The following CERK variants were observed in gnomAD, a reference collection of about 807,000 sequenced individuals.
CERK encodes ceramide kinase, also known as acylsphingosine kinase.
CERK carries 39 observed loss-of-function variants against 63.4 expected under a neutral mutation model. The ratio of observed to expected loss-of-function variants is 0.61; its 90% CI spans 0.48 to 0.80. The LOEUF is 0.80. Among genes scored for constraint, CERK ranks in the 30% least tolerant of loss-of-function variants. The pLI, the probability that CERK is intolerant of heterozygous loss-of-function variation, is 0.00. For missense variants in CERK, 670 were observed against 714.1 expected, an observed-to-expected ratio of 0.94 and a Z score of 0.70; for synonymous variants, 302 against 280.0, an observed-to-expected ratio of 1.08 and a Z score of -0.78.
chr22:46,698,469 C>T (rs1206472826), intron 8 of CERK, among the ~76,000 whole-genome samples: 1 of 152,238 alleles, frequency 6.6e-6, no homozygotes, highest in Non-Finnish European at 1.5e-5. Context: ...ACCACGCAAC[C>T]TTGTTGAATG....
intron 6 of CERK, among the ~76,000 whole-genome samples, chr22:46,702,733 T>C (rs996901334): frequency 6.6e-6 from 1 of 152,262 alleles, no homozygotes. Context: ...CTGCGGCTTA[T>C]GCATCTTTTT....
intron 11 of CERK, among the ~76,000 whole-genome samples, chr22:46,690,688 C>T (rs1292187379): frequency 6.6e-6 from 1 of 151,986 alleles, no homozygotes; most frequent in Admixed American, 6.5e-5. Context: ...AGACTGTGAC[C>T]AAAAGTTCCG....
At position 46,738,244 on chromosome 22, in the gene CERK, G is replaced by T; in HGVS notation, c.-96C>A. ...CCTGCAGTGGCCCGGGCGGCGGGCGGCGGGCGGCGGGAGGCGGCGCTGCGT... is the reference window on the plus strand; with the variant it reads ...CCTGCAGTGGCCCGGGCGGCGGGCGTCGGGCGGCGGGAGGCGGCGCTGCGT... On this transcript the variant is annotated 5_prime_UTR_variant, in exon 1 of 13. Coordinates refer to ENST00000216264, the MANE Select transcript of CERK (RefSeq NM_022766.6). 1.4e-6 allele frequency: 1 copy of T among 702,942 alleles called. No individual in the cohort carries two copies. The highest frequency in any genetic ancestry group is 1.7e-6 in the Non-Finnish European group (1 of 576,258). 43.5% of individuals were successfully genotyped at this position (702,942 alleles called of 1,614,324 possible).
At chr22:46,709,196 G>A (rs1241347524) in intron 5 of CERK, among the ~76,000 whole-genome samples, 8 of 152,220 alleles carry the variant, frequency 5.3e-5, no homozygotes, top group Non-Finnish European at 7.3e-5. Context: ...CAGCTCAGCC[G>A]CAGGAAGAGC....
intron 1 of CERK, among the ~76,000 whole-genome samples, chr22:46,728,076 T>C (rs1047773771): frequency 6.6e-6 from 1 of 151,952 alleles, no homozygotes; most frequent in Non-Finnish European, 1.5e-5. Flanking sequence ...TGTGTGTGGG[T>C]TCAGGAAATG....
At chr22:46,689,681 A>G (rs2082720277) in intron 12 of CERK, among the ~76,000 whole-genome samples, 1 of 152,152 alleles carries the variant, frequency 6.6e-6, no homozygotes, top group South Asian at 2.1e-4. Context: ...CAGGGCAAAG[A>G]GCCCAATGCC....
At chr22:46,699,210 G>T in intron 8 of CERK, 103 bp downstream of exon 8, 1 of 1,227,450 alleles carries the variant, frequency 8.1e-7, no homozygotes, top group Non-Finnish European at 1.2e-6. Flanking sequence ...TGAGCAGGTG[G>T]GGGCCCACCT....
At chr22:46,724,427 G>A (rs1399746494) in intron 1 of CERK, among the ~76,000 whole-genome samples, 2 of 152,198 alleles carry the variant, frequency 1.3e-5, no homozygotes, top group Non-Finnish European at 2.9e-5. Flanking sequence ...TTGTTTGAGG[G>A]TCAATCTGCA....
intron 7 of CERK, among the ~76,000 whole-genome samples, chr22:46,701,284 C>A (rs938540129): frequency 6.6e-6 from 1 of 152,248 alleles, no homozygotes; most frequent in Non-Finnish European, 1.5e-5. Context: ...CTGCCACAGG[C>A]AGTATGGCGG....
intron 6 of CERK, among the ~76,000 whole-genome samples, chr22:46,706,683 G>T (rs1393619746): frequency 6.6e-6 from 1 of 152,046 alleles, no homozygotes; most frequent in Non-Finnish European, 1.5e-5. Flanking sequence ...GTAACCAGAC[G>T]ATCATCCTTT....
In CERK at chr22:46,685,026, T is replaced by A. The variant is rs181571217; in HGVS notation, c.*2108A>T. ...TTGGCCTGGACTGTTTTGCTAAAATTGTTAGTGGGTTTTGGGGCAGGCCAG... is the reference window on the plus strand; with the variant it reads ...TTGGCCTGGACTGTTTTGCTAAAATAGTTAGTGGGTTTTGGGGCAGGCCAG... On this transcript the variant is annotated 3_prime_UTR_variant, in exon 13 of 13. Coordinates refer to ENST00000216264, the MANE Select transcript of CERK (RefSeq NM_022766.6). 1.7e-4 allele frequency: 26 copies of A among 152,204 alleles called. No individual in the cohort carries two copies. Among genetic ancestry groups the A allele is most frequent in the African/African-American group, 6.3e-4 (26 of 41,512 alleles). 9.4% of individuals were successfully genotyped at this position (152,204 alleles called of 1,614,324 possible). A position where few individuals can be genotyped will look rare whatever the true frequency, so the allele number is the denominator to read the frequency against.
chr22:46,733,859 T>C (rs1434111295), intron 1 of CERK, among the ~76,000 whole-genome samples: 1 of 151,390 alleles, frequency 6.6e-6, no homozygotes, highest in Non-Finnish European at 1.5e-5. Flanking sequence ...CTGGCCAACA[T>C]GGTGAAACCC....
rs1175194778 is a variant in CERK, at chr22:46,714,420, G to T, written c.380-2127C>A. 6.6e-6 allele frequency among the ~76,000 whole-genome samples: 1 copy of T among 152,150 alleles called. No individual in the cohort carries two copies. The highest frequency in any genetic ancestry group is 2.1e-4 in the South Asian group (1 of 4,828). On this transcript the variant is annotated intron_variant, in intron 3 of 12. Transcript: ENST00000216264. This position sits in a 1 kb window ranked among gnomAD's most constrained non-coding sequence, Gnocchi z 4.4. ...GGTCGTGCCACTGCACTCCAGCCTG[G>T]GCTACAGAGTGAGACATTACTCCAG...
intron 12 of CERK, 38 bp downstream of exon 12, chr22:46,689,954 G>A (rs776513849): frequency 6.6e-7 from 1 of 1,524,914 alleles, no homozygotes; most frequent in South Asian, 1.2e-5. Flanking sequence ...CAGGGCTCAA[G>A]GGGATGGCGC....
At chr22:46,711,352 G>C (rs1330656513) in intron 4 of CERK, among the ~76,000 whole-genome samples, 5 of 152,106 alleles carry the variant, frequency 3.3e-5, no homozygotes, top group African/African-American at 1.2e-4. Context: ...ACCTCTCTCG[G>C]GCCACAGTCT....
intron 3 of CERK, among the ~76,000 whole-genome samples, chr22:46,715,396 T>C (rs1325251081): frequency 6.6e-6 from 1 of 152,228 alleles, no homozygotes; most frequent in African/African-American, 2.4e-5. Flanking sequence ...TGCAAGGTCA[T>C]TGAATGCAAG....
chr22:46,716,705 G>A (rs1018299900), intron 3 of CERK, among the ~76,000 whole-genome samples: 2 of 152,036 alleles, frequency 1.3e-5, no homozygotes, highest in East Asian at 3.9e-4. Context: ...TTGGGAGGCT[G>A]AGGCAGGTAG....
intron 1 of CERK, among the ~76,000 whole-genome samples, chr22:46,725,347 T>C (rs1280890867): frequency 4.6e-5 from 7 of 151,836 alleles, no homozygotes; most frequent in Admixed American, 3.3e-4. Flanking sequence ...CGCCTGCTCA[T>C]CTGAGGGCAG....
chr22:46,727,806 G>A (rs2082926557), intron 1 of CERK, among the ~76,000 whole-genome samples: 2 of 149,412 alleles, frequency 1.3e-5, no homozygotes. Flanking sequence ...TGCACATGCC[G>A]CCCCAACACT....
Sources: gnomAD v4.1 joint callset for allele counts (sites outside exome capture counted in the v4.1 genomes callset) on GRCh38, gnomAD v4.1.1 for gene constraint, Gnocchi (gnomAD v3.1) non-coding constraint, MANE v1.5 for transcripts, NCBI Gene and HGNC (gene_info 2026-07-23, HGNC 2026-07-21) for gene names.